The following SMYD3 variants were observed in gnomAD, a reference collection of about 807,000 sequenced individuals.
The protein encoded by SMYD3 is SET and MYND domain containing 3.
SMYD3 carries 36 observed loss-of-function variants against 57.7 expected under a neutral mutation model. That is an observed-to-expected ratio of 0.62 (90% CI 0.48 to 0.82). The LOEUF (loss-of-function observed/expected upper bound fraction) is 0.82. Ranked by LOEUF, SMYD3 falls within the 40% of genes least tolerant of loss-of-function variation. The pLI is 0.00. For missense variants in SMYD3, 515 were observed against 538.8 expected (o/e 0.96, Z 0.44); for synonymous variants, 211 against 195.0 (o/e 1.08, Z -0.68).
chr1:246,358,628 G>A (rs902122894), intron 1 of SMYD3, among the ~76,000 whole-genome samples: 2 of 152,166 alleles, frequency 1.3e-5, no homozygotes, highest in African/African-American at 4.8e-5. Context: ...TCAGACCACA[G>A]TGGAATAAAA....
Position 246,349,536 on chromosome 1 carries a change from A to G in SMYD3, c.228+5495T>C, listed in dbSNP as rs552586766. Among the ~76,000 whole-genome samples the G allele has an allele frequency of 9.0e-4, 137 of 152,234 alleles. 1 individual carries two copies. The highest frequency in any genetic ancestry group is 3.3e-3 in the African/African-American group (136 of 41,536). ...GGAAGGAGGATGAGTTGAACTGAGG[A>G]GGTCAAGTCTGCAGTGAGGGGTGTT... On this transcript the variant is annotated intron_variant, in intron 2 of 11. Transcript: ENST00000490107.
Position 245,955,216 on chromosome 1 carries a change from T to C in SMYD3, c.532-25279A>G, listed in dbSNP as rs565632939. ...ACGCCATTCTCCTGCCTCAGCCTCC[T>C]GAGTAGCTGGGACTACAGGTGCCCG... On this transcript the variant is annotated intron_variant, in intron 5 of 11. Coordinates refer to ENST00000490107, the MANE Select transcript of SMYD3 (RefSeq NM_001167740.2). Among the ~76,000 whole-genome samples, 10 of 152,084 alleles carry C rather than the reference T, an allele frequency of 6.6e-5. No individual in the cohort carries two copies. The South Asian group carries it at 8.4e-4, about 13-fold the overall frequency.
intron 4 of SMYD3, among the ~76,000 whole-genome samples, chr1:246,329,631 T>C (rs1353418395): frequency 1.3e-5 from 2 of 152,096 alleles, no homozygotes; most frequent in Non-Finnish European, 2.9e-5. Context: ...TTTTCTCCCA[T>C]TTTGTAGGTT....
intron 5 of SMYD3, among the ~76,000 whole-genome samples, chr1:246,161,130 G>A (rs150903787): frequency 2.6e-5 from 4 of 152,206 alleles, no homozygotes; most frequent in Non-Finnish European, 4.4e-5. Flanking sequence ...TCCACCCTGC[G>A]CCTCATTTGC....
intron 10 of SMYD3, among the ~76,000 whole-genome samples, chr1:245,802,508 C>T (rs12083153): frequency 2.1e-3 from 325 of 152,300 alleles, no homozygotes; most frequent in African/African-American, 7.4e-3. Flanking sequence ...TAAAAAGATA[C>T]ATTTTGCATT....
intron 8 of SMYD3, among the ~76,000 whole-genome samples, chr1:245,866,028 A>G (rs1210837119): frequency 6.6e-6 from 1 of 152,190 alleles, no homozygotes; most frequent in Non-Finnish European, 1.5e-5. Flanking sequence ...GGACATTTTC[A>G]TACTCTAGAC....
At chr1:245,915,737 G>T in intron 7 of SMYD3, 97 bp from the exon 8 acceptor site, 1 of 759,034 alleles carries the variant, frequency 1.3e-6, no homozygotes, top group South Asian at 2.4e-5. Context: ...AGTAAAACTT[G>T]TTTTTATTAT....
chr1:246,482,804 A>G (rs1308040681), intron 1 of SMYD3, among the ~76,000 whole-genome samples: 3 of 152,224 alleles, frequency 2.0e-5, no homozygotes, highest in East Asian at 1.9e-4. Context: ...TCAAGGCCAT[A>G]TACTTCTCAG....
chr1:245,934,939 T>C (rs2056917866), intron 5 of SMYD3, among the ~76,000 whole-genome samples: 1 of 152,206 alleles, frequency 6.6e-6, no homozygotes, highest in African/African-American at 2.4e-5. Context: ...TTGCGACAGT[T>C]TGACATTATA....
chr1:246,353,558 G>T (rs377499182), intron 2 of SMYD3, among the ~76,000 whole-genome samples: 1 of 152,130 alleles, frequency 6.6e-6, no homozygotes, highest in Non-Finnish European at 1.5e-5. Context: ...AGAAACAAAA[G>T]AATAATACAA....
chr1:246,354,575 C>A, intron 2 of SMYD3, among the ~76,000 whole-genome samples: 2 of 148,098 alleles, frequency 1.4e-5, no homozygotes, highest in South Asian at 2.1e-4. Flanking sequence ...ATATGGGATA[C>A]AAAATGTTCC....
At chr1:246,088,492 C>T (rs1265700587) in intron 5 of SMYD3, among the ~76,000 whole-genome samples, 1 of 130,288 alleles carries the variant, frequency 7.7e-6, no homozygotes, top group Non-Finnish European at 1.5e-5. Flanking sequence ...CGCCTGTAGT[C>T]CCAGCTACTC....
At chr1:246,426,619 T>C (rs2067222819) in intron 1 of SMYD3, among the ~76,000 whole-genome samples, 1 of 152,208 alleles carries the variant, frequency 6.6e-6, no homozygotes, top group South Asian at 2.1e-4. Context: ...TAAAATGTCA[T>C]ATGAGCTGCA....
At chr1:245,983,194 C>A (rs1359385104) in intron 5 of SMYD3, among the ~76,000 whole-genome samples, 1 of 152,144 alleles carries the variant, frequency 6.6e-6, no homozygotes, top group South Asian at 2.1e-4. Flanking sequence ...ACATTGTTTT[C>A]AGTTATAACT....
chr1:246,358,787 AT>A (rs754215535), intron 1 of SMYD3, among the ~76,000 whole-genome samples: 1 of 152,208 alleles, frequency 6.6e-6, no homozygotes, highest in Middle Eastern at 3.2e-3. Context: ...GACACAACTT[AT>A]CAAAACCTCT....
intron 8 of SMYD3, among the ~76,000 whole-genome samples, chr1:245,889,118 C>A (rs1268015142): frequency 6.6e-6 from 1 of 152,162 alleles, no homozygotes; most frequent in African/African-American, 2.4e-5. Context: ...TGGCAGAGAC[C>A]TATAGAACTC....
At chr1:245,775,783 T>C (rs1262637546) in intron 10 of SMYD3, among the ~76,000 whole-genome samples, 2 of 150,938 alleles carry the variant, frequency 1.3e-5, no homozygotes, top group Admixed American at 1.3e-4. Context: ...TCTCAATAAA[T>C]CTCTTAAAAA....
intron 5 of SMYD3, among the ~76,000 whole-genome samples, chr1:246,001,358 C>T (rs961778859): frequency 6.6e-6 from 1 of 152,310 alleles, no homozygotes; most frequent in Middle Eastern, 3.4e-3. Context: ...ATGATTCCCA[C>T]AAGCACGTCC....
At chr1:246,164,706 C>T (rs1338395272) in intron 5 of SMYD3, among the ~76,000 whole-genome samples, 1 of 152,196 alleles carries the variant, frequency 6.6e-6, no homozygotes, top group Admixed American at 6.5e-5. Context: ...GGCACACAGT[C>T]CTGAACAAGA....
Sources: gnomAD v4.1 joint callset for allele counts (sites outside exome capture counted in the v4.1 genomes callset) on GRCh38, gnomAD v4.1.1 for gene constraint, MANE v1.5 for transcripts, NCBI Gene and HGNC (gene_info 2026-07-23, HGNC 2026-07-21) for gene names.